The following RIMS2 variants were observed in gnomAD, a reference collection of about 807,000 sequenced individuals.
RIMS2 encodes the protein regulating synaptic membrane exocytosis protein 2.
RIMS2 carries 59 observed loss-of-function variants against 174.4 expected under a neutral mutation model. That is an observed-to-expected ratio of 0.34 (90% CI 0.27 to 0.42). RIMS2 has a LOEUF of 0.42. Among genes scored for constraint, RIMS2 ranks in the 10% least tolerant of loss-of-function variants. The pLI, the probability that RIMS2 is intolerant of heterozygous loss-of-function variation, is 1.00. For synonymous variants in RIMS2, 606 were observed against 572.5 expected, an observed-to-expected ratio of 1.06 and a Z score of -0.84; for missense variants, 1,620 against 1,666.3, an observed-to-expected ratio of 0.97 and a Z score of 0.48.
intron 3 of RIMS2, among the ~76,000 whole-genome samples, chr8:103,769,650 G>T (rs1293993211): frequency 2.0e-5 from 3 of 152,120 alleles, no homozygotes. Flanking sequence ...TTTGAAGAAG[G>T]TGGTAATGAG....
intron 1 of RIMS2, among the ~76,000 whole-genome samples, chr8:103,663,184 AT>A (rs1209935485): frequency 5.0e-4 from 69 of 138,346 alleles, no homozygotes; most frequent in Admixed American, 5.1e-4. Flanking sequence ...AAAAAAAAAA[AT>A]TTTTTTTCTG....
intron 15 of RIMS2, among the ~76,000 whole-genome samples, chr8:103,971,217 GA>G (rs937899819): frequency 6.6e-6 from 1 of 152,048 alleles, no homozygotes; most frequent in Non-Finnish European, 1.5e-5. Context: ...ATTTCCCATT[GA>G]AAATGTTGAG....
At chr8:104,026,676 T>TA (rs2154555729) in intron 19 of RIMS2, among the ~76,000 whole-genome samples, 1 of 152,198 alleles carries the variant, frequency 6.6e-6, no homozygotes, top group Non-Finnish European at 1.5e-5. Flanking sequence ...CAAACATATT[T>TA]AAAAAGTTTA....
chr8:103,540,432 A>T (rs935495804), intron 1 of RIMS2, among the ~76,000 whole-genome samples: 1 of 152,196 alleles, frequency 6.6e-6, no homozygotes, highest in Non-Finnish European at 1.5e-5. Context: ...CTGCACAGAG[A>T]CAACATAGCG....
At chr8:104,209,692 A>ATAG (rs2099096993) in intron 19 of RIMS2, among the ~76,000 whole-genome samples, 1 of 152,198 alleles carries the variant, frequency 6.6e-6, no homozygotes, top group African/African-American at 2.4e-5. Context: ...AGTACTTAAG[A>ATAG]TAGTAGGTGC....
intron 3 of RIMS2, among the ~76,000 whole-genome samples, chr8:103,816,494 T>A (rs2098719404): frequency 6.6e-6 from 1 of 152,214 alleles, no homozygotes; most frequent in Non-Finnish European, 1.5e-5. Context: ...TTAAACATTT[T>A]TTCAAGTAAA....
intron 16 of RIMS2, chr8:103,976,444 A>G (rs1409530599): frequency 6.6e-6 from 1 of 152,232 alleles, no homozygotes; most frequent in Non-Finnish European, 1.5e-5. Context: ...AATGATATAG[A>G]TAATCGGTAA....
intron 19 of RIMS2, among the ~76,000 whole-genome samples, chr8:104,204,622 G>A (rs530513847): frequency 6.6e-6 from 1 of 152,062 alleles, no homozygotes; most frequent in South Asian, 2.1e-4. Flanking sequence ...AACCTCTAGA[G>A]CACCTGATTT....
At position 104,057,119 on chromosome 8, in the gene RIMS2, T is replaced by G. The variant is rs963212798; in HGVS notation, c.3334+42504T>G. Among the ~76,000 whole-genome samples the G allele has an allele frequency of 2.7e-5, 4 of 150,578 alleles. No individual in the cohort carries two copies. In the Admixed American group the frequency reaches 2.7e-4, roughly 10 times the overall value. On this transcript the variant is annotated intron_variant, in intron 19 of 23. Transcript: ENST00000504942. ...TCTCACTCTGTCACTTAGGCTGGAG[T>G]GCAGTGGTGCAAACATGGCTCACTG...
intron 3 of RIMS2, among the ~76,000 whole-genome samples, chr8:103,775,131 G>T (rs1216700955): frequency 1.3e-5 from 2 of 151,942 alleles, no homozygotes; most frequent in South Asian, 2.1e-4. Flanking sequence ...ATGGTATTTA[G>T]AATTTACTAA....
At chr8:103,635,823 T>A (rs895362234) in intron 1 of RIMS2, among the ~76,000 whole-genome samples, 1 of 152,108 alleles carries the variant, frequency 6.6e-6, no homozygotes, top group Non-Finnish European at 1.5e-5. Flanking sequence ...ATGGCTAAGT[T>A]GTCCAAACAG....
intron 1 of RIMS2, among the ~76,000 whole-genome samples, chr8:103,641,834 C>T (rs1238153338): frequency 6.6e-6 from 1 of 152,096 alleles, no homozygotes; most frequent in Non-Finnish European, 1.5e-5. Context: ...GTGGAAGCAA[C>T]TTGAGGCCCT....
At chr8:104,107,675 T>A (rs2131520479) in intron 19 of RIMS2, among the ~76,000 whole-genome samples, 1 of 152,350 alleles carries the variant, frequency 6.6e-6, no homozygotes, top group Admixed American at 6.5e-5. Context: ...AGGCTGGTAT[T>A]GGTGGCTCAC....
At chr8:104,068,130 A>T (rs1276899037) in intron 19 of RIMS2, among the ~76,000 whole-genome samples, 1 of 152,208 alleles carries the variant, frequency 6.6e-6, no homozygotes, top group Admixed American at 6.5e-5. Context: ...TATAACTTTA[A>T]TACCTATAAA....
intron 2 of RIMS2, among the ~76,000 whole-genome samples, chr8:103,752,432 G>A (rs1451212226): frequency 3.3e-5 from 5 of 152,106 alleles, no homozygotes; most frequent in East Asian, 1.9e-4. Flanking sequence ...TTGGCGATGC[G>A]GGCTCTTTTT....
At chr8:104,220,253 C>G (rs2099148960) in intron 19 of RIMS2, among the ~76,000 whole-genome samples, 2 of 151,104 alleles carry the variant, frequency 1.3e-5, no homozygotes, top group African/African-American at 4.9e-5. Context: ...TCTTCCGTCA[C>G]TCATCTATAT....
intron 19 of RIMS2, among the ~76,000 whole-genome samples, chr8:104,091,976 TAAGA>T (rs2097667682): frequency 6.6e-6 from 1 of 151,746 alleles, no homozygotes; most frequent in Admixed American, 6.6e-5. Flanking sequence ...TAAAGTGGAC[TAAGA>T]AAGGCCAATT....
chr8:104,209,611 G>T (rs1447504233), intron 19 of RIMS2, among the ~76,000 whole-genome samples: 1 of 152,062 alleles, frequency 6.6e-6, no homozygotes, highest in Non-Finnish European at 1.5e-5. Flanking sequence ...GTTGTTTGTT[G>T]TCTGTTTCCC....
At chr8:103,604,546 G>T (rs1221592509) in intron 1 of RIMS2, among the ~76,000 whole-genome samples, 1 of 151,748 alleles carries the variant, frequency 6.6e-6, no homozygotes, top group Non-Finnish European at 1.5e-5. Flanking sequence ...AAAGGCATTG[G>T]TAGCTTGATG....
Sources: allele counts gnomAD v4.1 joint callset (sites outside exome capture counted in the v4.1 genomes callset), GRCh38; gene constraint gnomAD v4.1.1; transcripts MANE v1.5; gene names NCBI Gene and HGNC (gene_info 2026-07-23, HGNC 2026-07-21).